The following STON2 variants were observed in gnomAD, a reference collection of about 807,000 sequenced individuals.
The protein encoded by STON2 is stonin 2.
In STON2, 29 loss-of-function variants were observed where a neutral mutation model predicts 65.7. That is an observed-to-expected ratio of 0.44 (90% confidence interval 0.33 to 0.60). The LOEUF (loss-of-function observed/expected upper bound fraction) is 0.60. Ranked by LOEUF, STON2 falls within the 20% of genes least tolerant of loss-of-function variation. The pLI is 0.03. For synonymous variants in STON2, 404 were observed against 414.2 expected (o/e 0.98, Z 0.30); for missense variants, 1,054 against 1,118.1 (o/e 0.94, Z 0.82).
At chr14:81,432,474 T>C (rs1265592065) in intron 1 of STON2, among the ~76,000 whole-genome samples, 1 of 152,204 alleles carries the variant, frequency 6.6e-6, no homozygotes, top group Non-Finnish European at 1.5e-5. Context: ...AAGCAAGCAA[T>C]TTCTTGGTCT....
At chr14:81,274,710 C>T (rs559170329) in intron 6 of STON2, among the ~76,000 whole-genome samples, 57 of 151,848 alleles carry the variant, frequency 3.8e-4, no homozygotes, top group African/African-American at 1.3e-3. Context: ...ACGAGGCAGG[C>T]GGATCACCTG....
In STON2 at chr14:81,260,713, T is replaced by C. The variant is rs1461504890; in HGVS notation, c.*7701A>G. On this transcript the variant is annotated 3_prime_UTR_variant, in exon 8 of 8. Transcript: ENST00000614646. ...ATAGCTCAGAAAAGGATATAATCAG[T>C]AGAACAACTAAAAACAAAACCTCAC... 1.3e-5 allele frequency: 2 copies of C among 151,896 alleles called. No homozygotes were observed. Among genetic ancestry groups the C allele is most frequent in the African/African-American group, 4.8e-5 (2 of 41,306 alleles). 9.4% of individuals were successfully genotyped at this position (151,896 alleles called of 1,614,324 possible).
At chr14:81,390,839 T>C (rs753536662) in intron 3 of STON2, among the ~76,000 whole-genome samples, 7 of 152,226 alleles carry the variant, frequency 4.6e-5, no homozygotes, top group Non-Finnish European at 1.0e-4. Context: ...AATCAAGATG[T>C]CAGCAGAACT....
intron 2 of STON2, among the ~76,000 whole-genome samples, chr14:81,415,318 A>G (rs1174219474): frequency 4.6e-5 from 7 of 151,748 alleles, no homozygotes; most frequent in African/African-American, 1.5e-4. Context: ...CTGAGGCCAG[A>G]GAGGTTAAGT....
chr14:81,331,688 A>G (rs1236412910), intron 4 of STON2, among the ~76,000 whole-genome samples: 1 of 152,146 alleles, frequency 6.6e-6, no homozygotes, highest in Admixed American at 6.5e-5. Context: ...GGAAAAAGAG[A>G]CCTATGTTGA....
intron 1 of STON2, among the ~76,000 whole-genome samples, chr14:81,428,008 T>C (rs891744140): frequency 6.6e-6 from 1 of 152,190 alleles, no homozygotes; most frequent in Admixed American, 6.5e-5. Flanking sequence ...TCTCATGAAA[T>C]GCTACTCCTC....
At chr14:81,290,816 A>G (rs1895526483) in intron 5 of STON2, among the ~76,000 whole-genome samples, 1 of 152,014 alleles carries the variant, frequency 6.6e-6, no homozygotes, top group Non-Finnish European at 1.5e-5. Flanking sequence ...TACTTGTCCA[A>G]CTCTCTTTTA....
chr14:81,415,178 C>G (rs1901365448), intron 2 of STON2, among the ~76,000 whole-genome samples: 1 of 152,130 alleles, frequency 6.6e-6, no homozygotes, highest in African/African-American at 2.4e-5. Context: ...CTGTTCATGA[C>G]AGTTCACTTT....
chr14:81,347,919 A>AAAG (rs1897879385), intron 4 of STON2, among the ~76,000 whole-genome samples: 1 of 150,812 alleles, frequency 6.6e-6, no homozygotes, highest in South Asian at 2.1e-4. Context: ...AAAAAAAAAA[A>AAAG]AAAAAGATAA....
chr14:81,267,937 T>C lies in STON2; in HGVS notation c.*477A>G. On this transcript the variant is annotated 3_prime_UTR_variant, in exon 8 of 8. Coordinates refer to ENST00000614646, the MANE Select transcript of STON2 (RefSeq NM_001394390.1). ...AAGAGGAAATTTGTTTTGCACCTTT[T>C]CTGAACCTTTTCTAGACAGAGTGAA... The C allele has an allele frequency of 1.0e-6, 1 of 985,694 alleles. No individual in the cohort carries two copies. The highest frequency in any genetic ancestry group is 4.7e-5 in the South Asian group (1 of 21,308). 61.1% of individuals were successfully genotyped at this position (985,694 alleles called of 1,614,324 possible).
At position 81,261,619 on chromosome 14, in the gene STON2, C is replaced by T. The variant is rs1894148686; in HGVS notation, c.*6795G>A. Reference sequence around the variant, plus strand: ...TAGTCCCAGGATGTTTACTGAGTGTCCTCCTTCAATTTTCACAATATTTTA... The same window carrying T: ...TAGTCCCAGGATGTTTACTGAGTGTTCTCCTTCAATTTTCACAATATTTTA... On this transcript the variant is annotated 3_prime_UTR_variant, in exon 8 of 8. Coordinates refer to ENST00000614646, the MANE Select transcript of STON2 (RefSeq NM_001394390.1). The T allele has an allele frequency of 1.6e-6, 1 of 642,774 alleles. No individual in the cohort carries two copies. Among genetic ancestry groups the T allele is most frequent in the Non-Finnish European group, 2.2e-6 (1 of 445,262 alleles). 39.8% of individuals were successfully genotyped at this position (642,774 alleles called of 1,614,324 possible). A position where few individuals can be genotyped will look rare whatever the true frequency, so the allele number is the denominator to read the frequency against.
At chr14:81,389,797 T>C (rs760841532) in intron 3 of STON2, among the ~76,000 whole-genome samples, 4 of 152,256 alleles carry the variant, frequency 2.6e-5, no homozygotes, top group Non-Finnish European at 5.9e-5. Flanking sequence ...ATTTTCATCC[T>C]TCACAGGAAG....
intron 5 of STON2, among the ~76,000 whole-genome samples, chr14:81,316,792 G>C (rs574007638): frequency 6.6e-6 from 1 of 152,128 alleles, no homozygotes; most frequent in East Asian, 1.9e-4. Flanking sequence ...AGGCCAAGGC[G>C]GGTGGATCAC....
At position 81,278,388 on chromosome 14, in the gene STON2, G is replaced by C. The variant is rs1248019802; in HGVS notation, c.1094C>G (p.Pro365Arg). ...NRTPSVTEAS[P>R]WRATNPFLNE... ...CAGGAAAGGGTTGGTTGCCCTCCAA[G>C]GTGAAGCCTCAGTTACAGAAGGCGT... is the stretch of plus-strand genomic sequence containing the variant. The change falls in exon 6 of 8, where the codon CCT becomes CGT. Residue 365 changes from proline (P) to arginine (R), a missense_variant. Transcript: ENST00000614646. 1.2e-6 allele frequency: 2 copies of C among 1,614,088 alleles called. No individual in the cohort carries two copies. The highest frequency in any genetic ancestry group is 1.7e-6 in the Non-Finnish European group (2 of 1,180,052).
Position 81,265,594 on chromosome 14 carries a change from G to A in STON2, c.*2820C>T, listed in dbSNP as rs1040410109. 1.8e-5 allele frequency: 7 copies of A among 391,756 alleles called. No individual in the cohort carries two copies. The highest frequency in any genetic ancestry group is 2.4e-5 in the Non-Finnish European group (7 of 287,806). 24.3% of individuals were successfully genotyped at this position (391,756 alleles called of 1,614,324 possible). On this transcript the variant is annotated 3_prime_UTR_variant, in exon 8 of 8. Transcript: ENST00000614646. ...TGGGAGGCAGAGGTTGCAATGAGCC[G>A]AGATCACGCCATTGCACTCCAGCCT...
At chr14:81,338,099 A>T (rs1195395794) in intron 4 of STON2, among the ~76,000 whole-genome samples, 1 of 152,214 alleles carries the variant, frequency 6.6e-6, no homozygotes, top group African/African-American at 2.4e-5. Flanking sequence ...TTCTTGACAC[A>T]GACATCTTAA....
rs762112680 is a variant in STON2, at chr14:81,270,788, T to C, written c.2666A>G (p.Asn889Ser). The change falls in exon 7 of 8, where the codon AAT becomes AGT. Residue 889 changes from asparagine (N) to serine (S), a missense_variant. Physicochemically the swap from Asn to Ser is conservative, Grantham distance 46. Transcript: ENST00000614646. ...AGTTGTGGGCATGCTGAACTCGACA[T>C]TCACGTGATTGGCAAATCTGGAAGG... is the stretch of plus-strand genomic sequence containing the variant. ...EVPSRFANHV[N>S]VEFSMPTTSA... is the part of the protein sequence containing the mutation. 25 of 1,614,024 alleles carry C rather than the reference T, an allele frequency of 1.5e-5. No homozygotes were observed. The Admixed American group carries it at 2.0e-4, about 13-fold the overall frequency.
chr14:81,329,696 A>G (rs1172346528), intron 4 of STON2, among the ~76,000 whole-genome samples: 1 of 152,196 alleles, frequency 6.6e-6, no homozygotes, highest in East Asian at 1.9e-4. Context: ...CTAGGAAACT[A>G]AAACATACAG....
chr14:81,391,768 G>A (rs1467531747), intron 3 of STON2, among the ~76,000 whole-genome samples: 3 of 152,126 alleles, frequency 2.0e-5, no homozygotes, highest in African/African-American at 7.2e-5. Context: ...CCTCCACATG[G>A]TTTATTTCTG....
Sources: allele counts gnomAD v4.1 joint callset (sites outside exome capture counted in the v4.1 genomes callset), GRCh38; gene constraint gnomAD v4.1.1; transcripts MANE v1.5; gene names NCBI Gene and HGNC (gene_info 2026-07-23, HGNC 2026-07-21).